The following MSRA variants were observed in gnomAD, a reference collection of about 807,000 sequenced individuals.
MSRA encodes methionine sulfoxide reductase A, also known as mitochondrial peptide methionine sulfoxide reductase.
MSRA carries 54 observed loss-of-function variants against 31.3 expected under a neutral mutation model. The ratio of observed to expected loss-of-function variants is 1.73; its 90% CI spans 1.39 to 2.17. MSRA has a LOEUF of 2.17. Among genes scored for constraint, MSRA ranks in the 30% most tolerant of loss-of-function variants. The pLI, the probability that MSRA is intolerant of heterozygous loss-of-function variation, is 0.00. For synonymous variants in MSRA, 169 were observed against 116.5 expected, an observed-to-expected ratio of 1.45 and a Z score of -2.90; for missense variants, 507 against 300.9, an observed-to-expected ratio of 1.69 and a Z score of -5.07.
chr8:10,150,566 G>A (rs1803575874), intron 1 of MSRA, among the ~76,000 whole-genome samples: 1 of 152,158 alleles, frequency 6.6e-6, no homozygotes, highest in South Asian at 2.1e-4. Context: ...CAATTAATGT[G>A]TTAATATATG....
intron 1 of MSRA, among the ~76,000 whole-genome samples, chr8:10,136,060 G>C (rs1478887683): frequency 1.3e-5 from 2 of 152,160 alleles, no homozygotes; most frequent in African/African-American, 4.8e-5. Flanking sequence ...ACTTAGGCCT[G>C]TGTGGCATCT....
At chr8:10,233,182 C>G (rs950265111) in intron 2 of MSRA, among the ~76,000 whole-genome samples, 1 of 152,174 alleles carries the variant, frequency 6.6e-6, no homozygotes. Flanking sequence ...TTACCTGTTT[C>G]TTGTTGTAGC....
intron 1 of MSRA, among the ~76,000 whole-genome samples, chr8:10,187,557 T>C (rs901143113): frequency 1.3e-5 from 2 of 152,196 alleles, no homozygotes; most frequent in Admixed American, 1.3e-4. Flanking sequence ...ACTTAATACA[T>C]TTCTCAACAA....
chr8:10,302,500 C>A (rs1321442065), intron 4 of MSRA, among the ~76,000 whole-genome samples: 3 of 152,206 alleles, frequency 2.0e-5, no homozygotes, highest in Non-Finnish European at 4.4e-5. Flanking sequence ...AGTGTTATTT[C>A]TTGATGAGTG....
At chr8:10,292,527 C>G (rs939988048) in intron 3 of MSRA, among the ~76,000 whole-genome samples, 1 of 152,250 alleles carries the variant, frequency 6.6e-6, no homozygotes, top group African/African-American at 2.4e-5. Context: ...TCTGCCTGCT[C>G]CCTCCACCGT....
intron 1 of MSRA, among the ~76,000 whole-genome samples, chr8:10,186,911 T>G (rs542658791): frequency 6.6e-6 from 1 of 152,350 alleles, no homozygotes; most frequent in Non-Finnish European, 1.5e-5. Flanking sequence ...AATACCAGCC[T>G]TAGATCTTTT....
At chr8:10,117,215 G>C (rs570470703) in intron 1 of MSRA, among the ~76,000 whole-genome samples, 5 of 152,122 alleles carry the variant, frequency 3.3e-5, no homozygotes, top group African/African-American at 1.2e-4. Flanking sequence ...TGAGTTCCTA[G>C]GTTTGATTTT....
Position 10,054,358 on chromosome 8 carries a change from G to C in MSRA, c.-159G>C, listed in dbSNP as rs897046636. The C allele has an allele frequency of 9.6e-6, 6 of 623,196 alleles. No individual in the cohort carries two copies. The highest frequency in any genetic ancestry group is 5.9e-5 in the African/African-American group (3 of 51,126). 38.6% of individuals were successfully genotyped at this position (623,196 alleles called of 1,614,324 possible). A position where few individuals can be genotyped will look rare whatever the true frequency, so the allele number is the denominator to read the frequency against. ...CCCGGGTTTGGGCAACCTCGATTAC[G>C]GGCGGCCTCCAGCCCCGCCAGCAGC... On this transcript the variant is annotated 5_prime_UTR_variant, in exon 1 of 6. Transcript: ENST00000317173.
At chr8:10,357,084 A>C (rs576409299) in intron 5 of MSRA, among the ~76,000 whole-genome samples, 3 of 152,112 alleles carry the variant, frequency 2.0e-5, no homozygotes, top group Non-Finnish European at 4.4e-5. Flanking sequence ...ACCAGACCCA[A>C]GTCTATCTCT....
At chr8:10,274,190 C>T (rs1415187211) in intron 3 of MSRA, among the ~76,000 whole-genome samples, 1 of 152,190 alleles carries the variant, frequency 6.6e-6, no homozygotes, top group Non-Finnish European at 1.5e-5. Flanking sequence ...ACTCCTGTTA[C>T]ATTCAAACTT....
At chr8:10,362,269 G>A (rs148312042) in intron 5 of MSRA, among the ~76,000 whole-genome samples, 1 of 152,118 alleles carries the variant, frequency 6.6e-6, no homozygotes, top group Non-Finnish European at 1.5e-5. Context: ...CCTTACTTAG[G>A]AGCACTCCTG....
At chr8:10,080,441 A>C (rs1442395419) in intron 1 of MSRA, among the ~76,000 whole-genome samples, 2 of 151,814 alleles carry the variant, frequency 1.3e-5, no homozygotes, top group Non-Finnish European at 2.9e-5. Context: ...TTCCTCCAGG[A>C]GCCGAGGTTC....
intron 5 of MSRA, among the ~76,000 whole-genome samples, chr8:10,327,579 T>G (rs1301695747): frequency 6.6e-6 from 1 of 152,138 alleles, no homozygotes; most frequent in African/African-American, 2.4e-5. Flanking sequence ...AAATTGTGGT[T>G]TGACTGGTGT....
intron 1 of MSRA, among the ~76,000 whole-genome samples, chr8:10,149,583 A>G (rs1803481145): frequency 6.6e-6 from 1 of 152,052 alleles, no homozygotes; most frequent in African/African-American, 2.4e-5. Context: ...GAAGGGAAAC[A>G]TTGGGCAGGC....
In MSRA at chr8:10,273,160, T is replaced by C. The variant is rs115977547; in HGVS notation, c.331+27937T>C. ...TCAGTAGGAACTATTTGAATTTTGTTTTAGTCTAAGTTATAGTGAGTTGTT... is the reference window on the plus strand; with the variant it reads ...TCAGTAGGAACTATTTGAATTTTGTCTTAGTCTAAGTTATAGTGAGTTGTT... On this transcript the variant is annotated intron_variant, in intron 3 of 5. Transcript: ENST00000317173. Among the ~76,000 whole-genome samples, 302 of 152,306 alleles carry C rather than the reference T, an allele frequency of 2.0e-3. 1 individual carries two copies. Among genetic ancestry groups the C allele is most frequent in the African/African-American group, 6.9e-3 (286 of 41,560 alleles).
chr8:10,400,035 T>G (rs1173606070), intron 5 of MSRA, among the ~76,000 whole-genome samples: 4 of 152,130 alleles, frequency 2.6e-5, no homozygotes, highest in Non-Finnish European at 5.9e-5. Flanking sequence ...ATGGATTGTT[T>G]AGGGACTAGC....
chr8:10,389,653 C>T (rs563211165), intron 5 of MSRA, among the ~76,000 whole-genome samples: 24 of 151,406 alleles, frequency 1.6e-4, no homozygotes, highest in East Asian at 1.6e-3. Context: ...CCCTAGAGGG[C>T]GGAGGGAACC....
chr8:10,283,604 C>G (rs1799751743), intron 3 of MSRA, among the ~76,000 whole-genome samples: 1 of 151,262 alleles, frequency 6.6e-6, no homozygotes, highest in African/African-American at 2.4e-5. Context: ...TCCTCTTTCC[C>G]CCTGAGTCCC....
intron 4 of MSRA, among the ~76,000 whole-genome samples, chr8:10,301,886 G>C (rs539167957): frequency 6.6e-6 from 1 of 152,294 alleles, no homozygotes; most frequent in Non-Finnish European, 1.5e-5. Context: ...CACAGAGGAA[G>C]ACGCCAGACA....
Sources: gnomAD v4.1 joint callset for allele counts (sites outside exome capture counted in the v4.1 genomes callset) on GRCh38, gnomAD v4.1.1 for gene constraint, MANE v1.5 for transcripts, NCBI Gene and HGNC (gene_info 2026-07-23, HGNC 2026-07-21) for gene names.